NIPBL: variants seen among roughly 807,000 people sequenced by gnomAD.
NIPBL encodes the protein nipped-B-like protein.
NIPBL carries 19 observed loss-of-function variants against 321.8 expected under a neutral mutation model. That is an observed-to-expected ratio of 0.06 (90% CI 0.04 to 0.09). The LOEUF is 0.09. Among genes scored for constraint, NIPBL ranks in the 10% least tolerant of loss-of-function variants. NIPBL has a pLI of 1.00. For missense variants in NIPBL, 2,210 were observed against 3,327.0 expected (o/e 0.66, Z 8.26); for synonymous variants, 1,106 against 1,114.1 (o/e 0.99, Z 0.14).
intron 1 of NIPBL, among the ~76,000 whole-genome samples, chr5:36,928,524 A>G (rs895682439): frequency 1.4e-4 from 21 of 152,352 alleles, no homozygotes; most frequent in African/African-American, 3.1e-4. Flanking sequence ...AAGGAGATTA[A>G]TATCTCTAGA....
chr5:36,916,416 T>C (rs1171947322), intron 1 of NIPBL, among the ~76,000 whole-genome samples: 5 of 152,226 alleles, frequency 3.3e-5, no homozygotes, highest in Admixed American at 3.3e-4. Flanking sequence ...TCAGGTTGTT[T>C]AGTATCAGTT....
chr5:36,991,000 A>C (rs958190243), intron 10 of NIPBL, among the ~76,000 whole-genome samples: 3 of 152,070 alleles, frequency 2.0e-5, no homozygotes, highest in African/African-American at 7.2e-5. Context: ...TTCTAAAAAA[A>C]AAAAATTTAA....
chr5:36,952,788 T>C (rs1459982294), intron 1 of NIPBL, among the ~76,000 whole-genome samples: 2 of 152,208 alleles, frequency 1.3e-5, no homozygotes, highest in African/African-American at 4.8e-5. Flanking sequence ...AAGAAACATG[T>C]AGTGATAGTT....
At chr5:37,002,870 A>G in intron 15 of NIPBL, 105 bp downstream of exon 15, 8 of 721,176 alleles carry the variant, frequency 1.1e-5, no homozygotes, top group Non-Finnish European at 1.2e-5. Context: ...TAAATAGTAA[A>G]AAGAAAACTC....
Position 36,946,135 on chromosome 5 carries a change from C to T in NIPBL, c.-79-7483C>T, listed in dbSNP as rs147934390. 2.0e-5 allele frequency among the ~76,000 whole-genome samples: 3 copies of T among 151,866 alleles called. No homozygotes were observed. The East Asian group carries it at 5.8e-4, about 29-fold the overall frequency. On this transcript the variant is annotated intron_variant, in intron 1 of 46. Coordinates refer to ENST00000282516, the MANE Select transcript of NIPBL (RefSeq NM_133433.4). Reference sequence around the variant, plus strand: ...AGGCTGAGCAAAGGGCAAGGAGAACCTTTTCATTCTCCCCCCAGAAATCTT... The same window carrying T: ...AGGCTGAGCAAAGGGCAAGGAGAACTTTTTCATTCTCCCCCCAGAAATCTT...
At chr5:36,932,815 T>A (rs1749882605) in intron 1 of NIPBL, among the ~76,000 whole-genome samples, 1 of 135,664 alleles carries the variant, frequency 7.4e-6, no homozygotes, top group Non-Finnish European at 1.5e-5. Context: ...AAGAACAGGA[T>A]CTCATTCTGT....
At chr5:36,954,547 T>C (rs1014146122) in intron 2 of NIPBL, among the ~76,000 whole-genome samples, 2 of 152,166 alleles carry the variant, frequency 1.3e-5, no homozygotes, top group Non-Finnish European at 2.9e-5. Context: ...TTATTATCAC[T>C]TTGTTGTAGG....
chr5:36,949,383 G>A (rs1208607147), intron 1 of NIPBL, among the ~76,000 whole-genome samples: 1 of 151,818 alleles, frequency 6.6e-6, no homozygotes, highest in Non-Finnish European at 1.5e-5. Context: ...CCATGTGCCA[G>A]ATAGCCTGAT....
chr5:36,889,417 A>G (rs1038535685), intron 1 of NIPBL, among the ~76,000 whole-genome samples: 1 of 152,148 alleles, frequency 6.6e-6, no homozygotes, highest in Non-Finnish European at 1.5e-5. Context: ...AGATACTCAT[A>G]TTAAGAACTG....
intron 34 of NIPBL, among the ~76,000 whole-genome samples, chr5:37,042,899 G>GCACACACACACA (rs70976273): frequency 9.7e-5 from 14 of 144,856 alleles, no homozygotes; most frequent in Non-Finnish European, 1.7e-4. Context: ...ACACACGCGC[G>GCACACACACACA]CACACACACA....
intron 1 of NIPBL, among the ~76,000 whole-genome samples, chr5:36,928,167 T>C (rs1314589192): frequency 6.6e-6 from 1 of 152,198 alleles, no homozygotes; most frequent in Non-Finnish European, 1.5e-5. Context: ...AGATTATTTG[T>C]AAGATGCCTT....
At chr5:37,050,361 G>T (rs1309583041) in intron 40 of NIPBL, among the ~76,000 whole-genome samples, 2 of 151,954 alleles carry the variant, frequency 1.3e-5, no homozygotes, top group African/African-American at 4.8e-5. Context: ...CTACATGGGA[G>T]GCTGAGGCAG....
chr5:37,038,150 G>A lies in NIPBL; in HGVS notation c.5972-452G>A, dbSNP rs148630927. ...GACTACAAGTGCACATCACCACACCGGGCTAATTTTTTATTTTTCTGTAGA... is the reference window on the plus strand; with the variant it reads ...GACTACAAGTGCACATCACCACACCAGGCTAATTTTTTATTTTTCTGTAGA... On this transcript the variant is annotated intron_variant, in intron 33 of 46. Transcript: ENST00000282516. 4.3e-3 allele frequency among the ~76,000 whole-genome samples: 647 copies of A among 151,872 alleles called. 2 individuals carry two copies. Among genetic ancestry groups the A allele is most frequent in the African/African-American group, 0.015 (603 of 41,466 alleles).
At chr5:37,014,913 G>T (rs1748756740) in intron 22 of NIPBL, 148 bp downstream of exon 22, 2 of 632,028 alleles carry the variant, frequency 3.2e-6, no homozygotes, top group Non-Finnish European at 2.8e-6. Flanking sequence ...TTAAAATGAG[G>T]CAATTGGAGT....
intron 1 of NIPBL, among the ~76,000 whole-genome samples, chr5:36,901,313 A>G (rs547839512): frequency 4.7e-4 from 72 of 152,218 alleles, no homozygotes; most frequent in African/African-American, 1.7e-3. Context: ...TCCATGGTGT[A>G]TATGTACCAT....
chr5:36,886,605 A>AT lies in NIPBL; in HGVS notation c.-80+9434dup, dbSNP rs139068760. On this transcript the variant is annotated intron_variant, in intron 1 of 46. Coordinates refer to ENST00000282516, the MANE Select transcript of NIPBL (RefSeq NM_133433.4). ...TTAAAATAGTTATCTGATGACTGAA[A>AT]TTTTTTTAATATGTCAGGTGTATTG... 4,332 of 535,214 alleles carry AT rather than the reference A, an allele frequency of 8.1e-3. 153 individuals carry two copies. Among genetic ancestry groups the AT allele is most frequent in the African/African-American group, 0.077 (3,993 of 51,882 alleles). 33.2% of individuals were successfully genotyped at this position (535,214 alleles called of 1,614,324 possible).
At chr5:37,055,763 C>G (rs190077671) in intron 42 of NIPBL, among the ~76,000 whole-genome samples, 12 of 152,154 alleles carry the variant, frequency 7.9e-5, no homozygotes, top group Admixed American at 7.9e-4. Context: ...TGCTTGTAAT[C>G]CCAGCACCCA....
At position 37,052,347 on chromosome 5, in the gene NIPBL, A is replaced by T. The variant is rs1753654456; in HGVS notation, c.7063-19A>T. ...TCTTTTAATTTCCCTGACAAAAATG[A>T]GACTTTTATTGATTTCAGATGAAAG... On this transcript the variant is annotated intron_variant, in intron 41 of 46. Coordinates refer to ENST00000282516, the MANE Select transcript of NIPBL (RefSeq NM_133433.4). 1 of 1,603,814 alleles carries T rather than the reference A, an allele frequency of 6.2e-7. No homozygotes were observed. The highest frequency in any genetic ancestry group is 1.3e-5 in the African/African-American group (1 of 74,828).
intron 1 of NIPBL, among the ~76,000 whole-genome samples, chr5:36,878,456 A>G (rs1353857371): frequency 2.0e-5 from 3 of 152,212 alleles, no homozygotes; most frequent in Non-Finnish European, 4.4e-5. Context: ...TTCCTCAGTC[A>G]GGCAAATTGC....
Sources: allele counts gnomAD v4.1 joint callset (sites outside exome capture counted in the v4.1 genomes callset), GRCh38; gene constraint gnomAD v4.1.1; transcripts MANE v1.5; gene names NCBI Gene and HGNC (gene_info 2026-07-23, HGNC 2026-07-21).